Variants in KCNMB2 observed in about 807,000 individuals in gnomAD.
The protein encoded by KCNMB2 is potassium calcium-activated channel subfamily M regulatory beta subunit 2, also known as calcium-activated potassium channel subunit beta-2.
Under a neutral mutation model 24.5 loss-of-function variants are expected in KCNMB2, and 9 were observed. That is an observed-to-expected ratio of 0.37 (90% CI 0.22 to 0.64). The LOEUF (loss-of-function observed/expected upper bound fraction) is 0.64, where lower values mean the gene tolerates loss of function less well. KCNMB2 is among the 30% of genes least tolerant of loss of function. KCNMB2 has a pLI of 0.63. For synonymous variants in KCNMB2, 109 were observed against 104.4 expected (o/e 1.04, Z -0.27); for missense variants, 226 against 284.3 (o/e 0.79, Z 1.47).
chr3:178,614,331 ATG>A (rs1405560815), intron 1 of KCNMB2, among the ~76,000 whole-genome samples: 16 of 116,794 alleles, frequency 1.4e-4, no homozygotes, highest in Non-Finnish European at 2.2e-4. Context: ...ATATATATGT[ATG>A]TATATATATA....
chr3:178,818,013 A>C (rs1714474687), intron 2 of KCNMB2, among the ~76,000 whole-genome samples: 2 of 152,160 alleles, frequency 1.3e-5, no homozygotes, highest in Non-Finnish European at 2.9e-5. Context: ...AAGAGCTCTC[A>C]GCCAAGTAAT....
chr3:178,731,827 C>A (rs1005281915), intron 1 of KCNMB2, among the ~76,000 whole-genome samples: 5 of 152,174 alleles, frequency 3.3e-5, no homozygotes, highest in African/African-American at 1.2e-4. Context: ...CGCTTGATCC[C>A]GTGGGGCAGA....
intron 1 of KCNMB2, among the ~76,000 whole-genome samples, chr3:178,619,739 A>G (rs1357551431): frequency 6.6e-6 from 1 of 152,176 alleles, no homozygotes; most frequent in Non-Finnish European, 1.5e-5. Context: ...GACCCACGAA[A>G]TTGCCAAAAA....
In KCNMB2 at chr3:178,663,830, A is replaced by T. The variant is rs568601567; in HGVS notation, c.-68+127119A>T. 2.6e-5 allele frequency among the ~76,000 whole-genome samples: 4 copies of T among 152,254 alleles called. No homozygotes were observed. In the South Asian group the frequency reaches 8.3e-4, roughly 32 times the overall value. On this transcript the variant is annotated intron_variant, in intron 1 of 4. Transcript: ENST00000452583. ...TGGAAGCTTCTGAAGCTATCTTAGCATGGTGCAAAGGAGTGTTTTAAGGGT... is the reference window on the plus strand; with the variant it reads ...TGGAAGCTTCTGAAGCTATCTTAGCTTGGTGCAAAGGAGTGTTTTAAGGGT...
intron 1 of KCNMB2, among the ~76,000 whole-genome samples, chr3:178,734,911 C>G (rs1186005301): frequency 6.6e-6 from 1 of 152,206 alleles, no homozygotes; most frequent in East Asian, 1.9e-4. Flanking sequence ...AATCCTTATT[C>G]TTGTATGCCA....
At chr3:178,690,817 G>A (rs868495161) in intron 1 of KCNMB2, among the ~76,000 whole-genome samples, 2 of 152,192 alleles carry the variant, frequency 1.3e-5, no homozygotes, top group Admixed American at 6.5e-5. Flanking sequence ...GAAACTCAGA[G>A]TTCTTCTGCT....
Position 178,784,007 on chromosome 3 carries a change from T to C in KCNMB2, c.-67-23336T>C, listed in dbSNP as rs565209412. On this transcript the variant is annotated intron_variant, in intron 1 of 4. Coordinates refer to ENST00000452583, the MANE Select transcript of KCNMB2 (RefSeq NM_181361.3). ...ATTGAGATTTTTTAGCATGAAGGGTTGTTGAATTTGAAACCGCTTTTAATG... is the reference window on the plus strand; with the variant it reads ...ATTGAGATTTTTTAGCATGAAGGGTCGTTGAATTTGAAACCGCTTTTAATG... Among the ~76,000 whole-genome samples, 24 of 152,312 alleles carry C rather than the reference T, an allele frequency of 1.6e-4. 1 individual carries two copies. The South Asian group carries it at 5.0e-3, about 32-fold the overall frequency.
At position 178,662,720 on chromosome 3, in the gene KCNMB2, AATGATTTT is replaced by A. The variant is rs1577080604; in HGVS notation, c.-68+126010_-68+126017del. Among the ~76,000 whole-genome samples the A allele has an allele frequency of 2.6e-5, 4 of 152,286 alleles. No homozygotes were observed. The East Asian group carries it at 5.8e-4, about 22-fold the overall frequency. On this transcript the variant is annotated intron_variant, in intron 1 of 4. Transcript: ENST00000452583. ...AATTACACTATTTCACTACTAATTT[AATGATTTT>A]TAATTATAATAATTCCTGATATAAA... is the stretch of plus-strand genomic sequence containing the variant.
At chr3:178,662,519 T>G (rs1477577402) in intron 1 of KCNMB2, among the ~76,000 whole-genome samples, 4 of 152,144 alleles carry the variant, frequency 2.6e-5, no homozygotes, top group Non-Finnish European at 5.9e-5. Flanking sequence ...CTTATACCTT[T>G]TCTGTGGTAT....
chr3:178,537,064 G>A (rs980567303), intron 1 of KCNMB2, among the ~76,000 whole-genome samples: 6 of 152,180 alleles, frequency 3.9e-5, no homozygotes, highest in Non-Finnish European at 8.8e-5. Flanking sequence ...GACTTTGGTG[G>A]GTGGAAGGCA....
intron 1 of KCNMB2, among the ~76,000 whole-genome samples, chr3:178,626,635 A>T (rs1456808099): frequency 6.6e-6 from 1 of 152,098 alleles, no homozygotes; most frequent in Non-Finnish European, 1.5e-5. Flanking sequence ...TAAAACCATC[A>T]GATCTCATGA....
Position 178,640,489 on chromosome 3 carries a change from C to T in KCNMB2, c.-68+103778C>T, listed in dbSNP as rs530666804. Among the ~76,000 whole-genome samples the T allele has an allele frequency of 4.8e-4, 73 of 152,280 alleles. 1 individual carries two copies. The highest frequency in any genetic ancestry group is 1.7e-3 in the African/African-American group (69 of 41,542). On this transcript the variant is annotated intron_variant, in intron 1 of 4. Transcript: ENST00000452583. ...CCGCCCCCATGATCCAAACACTTCC[C>T]ACCACGTCCCTCCCCAACACTGGGT... is the stretch of plus-strand genomic sequence containing the variant.
At chr3:178,597,880 T>A (rs995432044) in intron 1 of KCNMB2, among the ~76,000 whole-genome samples, 1 of 152,148 alleles carries the variant, frequency 6.6e-6, no homozygotes, top group Non-Finnish European at 1.5e-5. Context: ...TGGCTACAAC[T>A]TCTTCTTTTG....
In KCNMB2 at chr3:178,710,843, G is replaced by A. The variant is rs546971155; in HGVS notation, c.-67-96500G>A. Among the ~76,000 whole-genome samples the A allele has an allele frequency of 3.9e-5, 6 of 152,204 alleles. No individual in the cohort carries two copies. The South Asian group carries it at 6.2e-4, about 16-fold the overall frequency. ...ATATTTTACTTCAGCCTCGTGATCT[G>A]AGGTCCTTCTAATGCTTCTTCTGTT... On this transcript the variant is annotated intron_variant, in intron 1 of 4. Coordinates refer to ENST00000452583, the MANE Select transcript of KCNMB2 (RefSeq NM_181361.3).
At chr3:178,658,801 T>C (rs563811862) in intron 1 of KCNMB2, among the ~76,000 whole-genome samples, 2 of 152,266 alleles carry the variant, frequency 1.3e-5, no homozygotes, top group African/African-American at 4.8e-5. Flanking sequence ...ATAATACACA[T>C]GAAGGACTGC....
intron 2 of KCNMB2, among the ~76,000 whole-genome samples, chr3:178,821,863 G>A (rs544000194): frequency 3.3e-5 from 5 of 152,138 alleles, no homozygotes; most frequent in East Asian, 1.9e-4. Context: ...TCCATGTATC[G>A]TTTCTTCTTT....
intron 1 of KCNMB2, among the ~76,000 whole-genome samples, chr3:178,784,830 T>C (rs4626080): frequency 0.71 from 105,015 of 148,136 alleles, 38,530 homozygotes; most frequent in African/African-American, 0.92. Flanking sequence ...AAGTCTTTTG[T>C]TGTTGGATCC....
At chr3:178,837,306 C>T (rs1174247550) in intron 4 of KCNMB2, among the ~76,000 whole-genome samples, 1 of 152,132 alleles carries the variant, frequency 6.6e-6, no homozygotes, top group African/African-American at 2.4e-5. Context: ...ATATTCATCA[C>T]TTAATCCTCA....
intron 1 of KCNMB2, among the ~76,000 whole-genome samples, chr3:178,611,350 C>A (rs547686169): frequency 3.9e-5 from 6 of 152,160 alleles, no homozygotes; most frequent in South Asian, 2.1e-4. Context: ...TTATTTGGAA[C>A]CTCTCTCTTT....
Sources: gnomAD v4.1 joint callset for allele counts (sites outside exome capture counted in the v4.1 genomes callset) on GRCh38, gnomAD v4.1.1 for gene constraint, MANE v1.5 for transcripts, NCBI Gene and HGNC (gene_info 2026-07-23, HGNC 2026-07-21) for gene names.